Variants in LRRC4C observed in about 807,000 individuals in gnomAD.
The protein encoded by LRRC4C is leucine rich repeat containing 4C.
LRRC4C carries 5 observed loss-of-function variants against 33.6 expected under a neutral mutation model. The ratio of observed to expected loss-of-function variants is 0.15; its 90% CI spans 0.08 to 0.31. The LOEUF (loss-of-function observed/expected upper bound fraction) is 0.31, where lower values mean the gene tolerates loss of function less well. Among genes scored for constraint, LRRC4C ranks in the 10% least tolerant of loss-of-function variants. The probability of loss-of-function intolerance (pLI) is 1.00; values close to 1 mark genes in which losing one functional copy is unlikely to be tolerated. For synonymous variants in LRRC4C, 329 were observed against 302.0 expected, an observed-to-expected ratio of 1.09 and a Z score of -0.93; for missense variants, 560 against 796.7, an observed-to-expected ratio of 0.70 and a Z score of 3.58.
At chr11:40,325,369 A>G (rs1474970504) in intron 3 of LRRC4C, among the ~76,000 whole-genome samples, 2 of 152,092 alleles carry the variant, frequency 1.3e-5, no homozygotes, top group Non-Finnish European at 2.9e-5. Flanking sequence ...ATGATAGCTC[A>G]TGCTTGTAAC....
At chr11:40,641,609 A>G (rs11035984) in intron 3 of LRRC4C, among the ~76,000 whole-genome samples, 54,879 of 152,080 alleles carry the variant, frequency 0.36, 11,446 homozygotes, top group East Asian at 0.61. Flanking sequence ...GGTCAGAAAG[A>G]GGTCTTTTTT....
intron 2 of LRRC4C, among the ~76,000 whole-genome samples, chr11:40,843,262 C>G (rs1342552305): frequency 6.6e-6 from 1 of 152,252 alleles, no homozygotes; most frequent in East Asian, 1.9e-4. Context: ...TGGACTTACT[C>G]TCAGTCCTTT....
At chr11:41,356,219 G>T (rs1381981783) in intron 1 of LRRC4C, among the ~76,000 whole-genome samples, 1 of 152,082 alleles carries the variant, frequency 6.6e-6, no homozygotes, top group Non-Finnish European at 1.5e-5. Context: ...ATCAAAAAAT[G>T]CATACAGCAA....
intron 2 of LRRC4C, among the ~76,000 whole-genome samples, chr11:40,800,109 TTAAG>T (rs1323202238): frequency 8.5e-5 from 13 of 152,334 alleles, no homozygotes; most frequent in African/African-American, 2.6e-4. Context: ...AAATTCCTAA[TTAAG>T]TGTTTTCTCA....
At chr11:40,683,279 G>A (rs984968036) in intron 2 of LRRC4C, among the ~76,000 whole-genome samples, 1 of 152,004 alleles carries the variant, frequency 6.6e-6, no homozygotes, top group Non-Finnish European at 1.5e-5. Flanking sequence ...TCCACTACCA[G>A]CACCACTCAT....
At chr11:40,907,514 G>C (rs1234873523) in intron 2 of LRRC4C, among the ~76,000 whole-genome samples, 1 of 152,156 alleles carries the variant, frequency 6.6e-6, no homozygotes, top group Non-Finnish European at 1.5e-5. Flanking sequence ...TTAATAAGAA[G>C]TTGCATATCC....
chr11:40,698,887 G>A (rs1189379928), intron 2 of LRRC4C, among the ~76,000 whole-genome samples: 1 of 152,034 alleles, frequency 6.6e-6, no homozygotes, highest in Non-Finnish European at 1.5e-5. Flanking sequence ...GAACAGCATG[G>A]GGGAAACCGC....
intron 1 of LRRC4C, among the ~76,000 whole-genome samples, chr11:41,024,111 G>A (rs974179524): frequency 6.6e-6 from 1 of 151,508 alleles, no homozygotes; most frequent in Non-Finnish European, 1.5e-5. Flanking sequence ...CTTTCTGAAA[G>A]CCAAACGGCA....
At chr11:40,506,843 A>G (rs1955060406) in intron 3 of LRRC4C, among the ~76,000 whole-genome samples, 1 of 152,118 alleles carries the variant, frequency 6.6e-6, no homozygotes, top group African/African-American at 2.4e-5. Context: ...AATTTATTTT[A>G]GGTTTAAGGT....
At chr11:40,494,839 T>C (rs1954346620) in intron 3 of LRRC4C, among the ~76,000 whole-genome samples, 1 of 152,212 alleles carries the variant, frequency 6.6e-6, no homozygotes, top group Non-Finnish European at 1.5e-5. Flanking sequence ...AGCAATTTAA[T>C]GCTCCAAATA....
chr11:41,057,166 C>T (rs1356231470), intron 1 of LRRC4C, among the ~76,000 whole-genome samples: 1 of 152,208 alleles, frequency 6.6e-6, no homozygotes, highest in African/African-American at 2.4e-5. Flanking sequence ...GAAATGCCTG[C>T]TCCCGCTGCT....
chr11:40,426,528 C>A (rs75165474), intron 3 of LRRC4C, among the ~76,000 whole-genome samples: 5,560 of 152,252 alleles, frequency 0.037, 341 homozygotes, highest in African/African-American at 0.13. Context: ...AGAACGCCTA[C>A]TCTGACCAGT....
intron 2 of LRRC4C, among the ~76,000 whole-genome samples, chr11:40,804,221 A>T (rs1450416302): frequency 6.6e-6 from 1 of 152,000 alleles, no homozygotes; most frequent in East Asian, 1.9e-4. Flanking sequence ...ACATCCTTAC[A>T]CCAATCTTCT....
At chr11:40,723,860 G>C (rs969250183) in intron 2 of LRRC4C, among the ~76,000 whole-genome samples, 2 of 152,098 alleles carry the variant, frequency 1.3e-5, no homozygotes, top group African/African-American at 4.8e-5. Flanking sequence ...GTCTTCAACA[G>C]ACCCATCTCT....
intron 2 of LRRC4C, among the ~76,000 whole-genome samples, chr11:40,891,072 A>T (rs1955686233): frequency 6.6e-6 from 1 of 152,128 alleles, no homozygotes; most frequent in African/African-American, 2.4e-5. Context: ...TCTACTAAAA[A>T]TACAAAAATT....
chr11:41,177,382 G>A (rs906661499), intron 1 of LRRC4C, among the ~76,000 whole-genome samples: 7 of 152,136 alleles, frequency 4.6e-5, no homozygotes, highest in African/African-American at 1.7e-4. Flanking sequence ...TCCTACTTAT[G>A]AGTACTGAGA....
At chr11:41,090,888 C>A (rs762806706) in intron 1 of LRRC4C, among the ~76,000 whole-genome samples, 2 of 152,126 alleles carry the variant, frequency 1.3e-5, no homozygotes, top group East Asian at 3.9e-4. Flanking sequence ...GCCTCCTCAG[C>A]CAGGCAGAAC....
intron 3 of LRRC4C, among the ~76,000 whole-genome samples, chr11:40,422,077 T>C (rs978740387): frequency 2.0e-5 from 3 of 152,238 alleles, no homozygotes; most frequent in South Asian, 2.1e-4. Flanking sequence ...TCACTTTCAA[T>C]TGGATATTCA....
intron 3 of LRRC4C, among the ~76,000 whole-genome samples, chr11:40,467,204 ATGTGCAAAAAC>A (rs1952695119): frequency 6.6e-6 from 1 of 152,144 alleles, no homozygotes; most frequent in South Asian, 2.1e-4. Flanking sequence ...CTTGTATAAG[ATGTGCAAAAAC>A]TCAGAGGAAG....
Sources: allele counts gnomAD v4.1 joint callset (sites outside exome capture counted in the v4.1 genomes callset), GRCh38; gene constraint gnomAD v4.1.1; transcripts MANE v1.5; gene names NCBI Gene and HGNC (gene_info 2026-07-23, HGNC 2026-07-21).